The following GALNTL6 variants were observed in gnomAD, a reference collection of about 807,000 sequenced individuals.
GALNTL6 encodes polypeptide N-acetylgalactosaminyltransferase like 6.
GALNTL6 carries 46 observed loss-of-function variants against 73.7 expected under a neutral mutation model. The observed-to-expected ratio is 0.62, with a 90% CI of 0.49 to 0.80. GALNTL6 has a LOEUF of 0.80. Among genes scored for constraint, GALNTL6 ranks in the 30% least tolerant of loss-of-function variants. The pLI, the probability that GALNTL6 is intolerant of heterozygous loss-of-function variation, is 0.00. For missense variants in GALNTL6, 604 were observed against 755.0 expected (o/e 0.80, Z 2.34); for synonymous variants, 259 against 263.7 (o/e 0.98, Z 0.17).
intron 5 of GALNTL6, among the ~76,000 whole-genome samples, chr4:172,366,422 A>G (rs1030531518): frequency 1.3e-5 from 2 of 152,142 alleles, no homozygotes; most frequent in Non-Finnish European, 2.9e-5. Context: ...TTGTCATTTT[A>G]TATAAGATAT....
chr4:172,296,076 C>T (rs6553622), intron 3 of GALNTL6, among the ~76,000 whole-genome samples: 143,773 of 152,144 alleles, frequency 0.94, 68,435 homozygotes, highest in East Asian at 1. Flanking sequence ...TGTTCACTAA[C>T]TCATCAATGA....
intron 5 of GALNTL6, among the ~76,000 whole-genome samples, chr4:172,399,460 G>T (rs1021977272): frequency 6.6e-6 from 1 of 150,402 alleles, no homozygotes; most frequent in Non-Finnish European, 1.5e-5. Flanking sequence ...GAATTATCAA[G>T]AATTTTTTCT....
At chr4:172,406,986 A>C (rs1286726655) in intron 5 of GALNTL6, among the ~76,000 whole-genome samples, 1 of 151,988 alleles carries the variant, frequency 6.6e-6, no homozygotes, top group South Asian at 2.1e-4. Flanking sequence ...TCTGATATCT[A>C]TCATTATCTC....
At chr4:172,487,332 TTC>T (rs1233608966) in intron 5 of GALNTL6, among the ~76,000 whole-genome samples, 42 of 138,292 alleles carry the variant, frequency 3.0e-4, no homozygotes, top group Non-Finnish European at 4.5e-4. Context: ...CTTTCTTTCT[TTC>T]TTTCTTTCTT....
At position 172,310,662 on chromosome 4, in the gene GALNTL6, C is replaced by T. The variant is rs149797754; in HGVS notation, c.248-952C>T. On this transcript the variant is annotated intron_variant, in intron 3 of 12. Transcript: ENST00000506823. ...GCACTTCTCACACCAAAACATATTC[C>T]AGATGTTTCAAAAATTTTGATAGAT... is the stretch of plus-strand genomic sequence containing the variant. 2.9e-3 allele frequency among the ~76,000 whole-genome samples: 445 copies of T among 151,922 alleles called. 4 individuals carry two copies. Among genetic ancestry groups the T allele is most frequent in the African/African-American group, 0.01 (422 of 41,464 alleles).
chr4:172,220,638 A>T (rs909414056), intron 2 of GALNTL6, among the ~76,000 whole-genome samples: 6 of 151,850 alleles, frequency 4.0e-5, no homozygotes, highest in Non-Finnish European at 8.9e-5. Flanking sequence ...CCAAAGATTG[A>T]ATGAGCTTAA....
intron 5 of GALNTL6, among the ~76,000 whole-genome samples, chr4:172,777,047 TG>T (rs1739114745): frequency 6.6e-6 from 1 of 152,228 alleles, no homozygotes; most frequent in South Asian, 2.1e-4. Flanking sequence ...TTGACTTTTT[TG>T]TGGTTAGAAC....
chr4:172,863,818 A>G (rs542571649), intron 7 of GALNTL6, among the ~76,000 whole-genome samples: 1 of 152,278 alleles, frequency 6.6e-6, no homozygotes, highest in East Asian at 1.9e-4. Flanking sequence ...GGGAGGAGCC[A>G]GGGGTGGAAT....
intron 5 of GALNTL6, among the ~76,000 whole-genome samples, chr4:172,378,974 T>C (rs975422462): frequency 6.6e-6 from 1 of 152,232 alleles, no homozygotes. Flanking sequence ...GAATTTAGTC[T>C]TTTAGTTTAT....
At chr4:172,602,154 A>G (rs971167455) in intron 5 of GALNTL6, among the ~76,000 whole-genome samples, 1 of 152,120 alleles carries the variant, frequency 6.6e-6, no homozygotes, top group Non-Finnish European at 1.5e-5. Context: ...AAATATTTTC[A>G]GACAAAAGAA....
intron 7 of GALNTL6, among the ~76,000 whole-genome samples, chr4:172,863,218 C>A (rs1474801367): frequency 1.3e-5 from 2 of 152,204 alleles, no homozygotes; most frequent in African/African-American, 4.8e-5. Flanking sequence ...ATCAGAGACC[C>A]CACACAGAGT....
intron 5 of GALNTL6, among the ~76,000 whole-genome samples, chr4:172,493,404 A>G (rs537469208): frequency 6.6e-6 from 1 of 152,344 alleles, no homozygotes; most frequent in Non-Finnish European, 1.5e-5. Flanking sequence ...ATTCACTTTT[A>G]TGTCAGAAAT....
intron 10 of GALNTL6, among the ~76,000 whole-genome samples, chr4:172,980,473 C>T (rs925229269): frequency 3.9e-5 from 6 of 152,054 alleles, no homozygotes; most frequent in Admixed American, 6.6e-5. Context: ...GTAGGTGGCT[C>T]GTAAACAACA....
chr4:172,885,771 T>A (rs1745688991), intron 8 of GALNTL6, among the ~76,000 whole-genome samples: 1 of 152,234 alleles, frequency 6.6e-6, no homozygotes, highest in African/African-American at 2.4e-5. Context: ...CATGAAGGAA[T>A]GTTAAATTTT....
chr4:172,733,833 T>TAATA (rs1434631063), intron 5 of GALNTL6, among the ~76,000 whole-genome samples: 1 of 152,156 alleles, frequency 6.6e-6, no homozygotes, highest in East Asian at 1.9e-4. Flanking sequence ...AAAAATGGAC[T>TAATA]AATACAGTAA....
At chr4:172,903,374 A>T (rs1366476180) in intron 8 of GALNTL6, among the ~76,000 whole-genome samples, 1 of 152,156 alleles carries the variant, frequency 6.6e-6, no homozygotes, top group African/African-American at 2.4e-5. Flanking sequence ...ATTCTCTCTA[A>T]CAATACTAAT....
chr4:171,854,185 G>A (rs1735615388), intron 2 of GALNTL6, among the ~76,000 whole-genome samples: 1 of 152,152 alleles, frequency 6.6e-6, no homozygotes, highest in Non-Finnish European at 1.5e-5. Context: ...GAAGCGGGCA[G>A]TGTTCATGTC....
At chr4:172,518,962 G>A (rs1251421871) in intron 5 of GALNTL6, among the ~76,000 whole-genome samples, 2 of 151,788 alleles carry the variant, frequency 1.3e-5, no homozygotes, top group African/African-American at 4.8e-5. Context: ...ATATTGGAAA[G>A]CATTTACAAT....
chr4:172,620,259 C>G (rs775423450), intron 5 of GALNTL6, among the ~76,000 whole-genome samples: 1 of 151,772 alleles, frequency 6.6e-6, no homozygotes, highest in Non-Finnish European at 1.5e-5. Flanking sequence ...TATTTTTTAC[C>G]GTGCAGAATT....
Sources: gnomAD v4.1 joint callset for allele counts (sites outside exome capture counted in the v4.1 genomes callset) on GRCh38, gnomAD v4.1.1 for gene constraint, MANE v1.5 for transcripts, NCBI Gene and HGNC (gene_info 2026-07-23, HGNC 2026-07-21) for gene names.